Variants in RNF150 observed in about 807,000 individuals in gnomAD.
RNF150 encodes ring finger protein 150.
Under a neutral mutation model 39.3 loss-of-function variants are expected in RNF150, and 24 were observed. The ratio of observed to expected loss-of-function variants is 0.61; its 90% CI spans 0.44 to 0.86. The LOEUF (loss-of-function observed/expected upper bound fraction) is 0.86. Ranked by LOEUF, RNF150 falls within the 40% of genes least tolerant of loss-of-function variation. The pLI is 0.00. For synonymous variants in RNF150, 255 were observed against 227.3 expected (o/e 1.12, Z -1.10); for missense variants, 502 against 587.8 (o/e 0.85, Z 1.51).
intron 1 of RNF150, among the ~76,000 whole-genome samples, chr4:141,006,600 T>C (rs1734882423): frequency 6.6e-6 from 1 of 152,342 alleles, no homozygotes. Flanking sequence ...TTAGGAAATC[T>C]GAAGTTGTGG....
At chr4:140,918,594 T>C (rs1350276306) in intron 5 of RNF150, among the ~76,000 whole-genome samples, 3 of 152,014 alleles carry the variant, frequency 2.0e-5, no homozygotes, top group African/African-American at 7.3e-5. Context: ...ACAGCCGAAT[T>C]CTACCAGAGG....
At chr4:141,091,565 G>C (rs755636283) in intron 1 of RNF150, among the ~76,000 whole-genome samples, 1 of 152,166 alleles carries the variant, frequency 6.6e-6, no homozygotes, top group Non-Finnish European at 1.5e-5. Flanking sequence ...TCAAAAAACA[G>C]TAAGGTAGTT....
At position 141,181,765 on chromosome 4, in the gene RNF150, G is replaced by A. The variant is rs545585318; in HGVS notation, c.-6+31029C>T. On this transcript the variant is annotated intron_variant, in intron 1 of 7. Coordinates refer to the RNF150 transcript ENST00000420921. Reference sequence around the variant, plus strand: ...TTATCTGACACATATTTAATGATGTGCTAATTGTTGTGCTGCATGGTAATT... The same window carrying A: ...TTATCTGACACATATTTAATGATGTACTAATTGTTGTGCTGCATGGTAATT... Among the ~76,000 whole-genome samples the A allele has an allele frequency of 3.2e-4, 49 of 152,260 alleles. 1 individual carries two copies. Among genetic ancestry groups the A allele is most frequent in the African/African-American group, 1.2e-3 (48 of 41,560 alleles).
chr4:141,045,811 T>G (rs1442453530), intron 1 of RNF150, among the ~76,000 whole-genome samples: 1 of 152,178 alleles, frequency 6.6e-6, no homozygotes, highest in Non-Finnish European at 1.5e-5. Context: ...CTCAAAGTGC[T>G]GAGATTACAG....
rs781565960 is a variant in RNF150 at position 141,132,636 on chromosome 4, CCGG to C, written c.170_172del (p.Ala57del). On this transcript the variant is annotated inframe_deletion, in exon 1 of 7. Coordinates refer to ENST00000515673, the MANE Select transcript of RNF150 (RefSeq NM_020724.2). The surrounding 1 kb of genome is among the most constrained non-coding windows in gnomAD (Gnocchi z 4.9). ...CTCCGCGCCGCCGCCGCCCGCCGCC[CCGG>C]CCCCGGGGTCCGGCGCGGGCTCGGC... 730 of 1,586,544 alleles carry C rather than the reference CCGG, an allele frequency of 4.6e-4. 2 individuals are homozygous for C. The highest frequency in any genetic ancestry group is 5.7e-4 in the Non-Finnish European group (668 of 1,170,112).
At chr4:141,150,746 T>C (rs1727283126) in intron 1 of RNF150, among the ~76,000 whole-genome samples, 1 of 152,200 alleles carries the variant, frequency 6.6e-6, no homozygotes. Flanking sequence ...CTCTACCTCC[T>C]ACTAGAATGT....
upstream of RNF150, among the ~76,000 whole-genome samples, chr4:141,135,998 C>T (rs1727021496): frequency 6.6e-6 from 1 of 152,066 alleles, no homozygotes; most frequent in Non-Finnish European, 1.5e-5. Context: ...AATGGATAAA[C>T]CCAGGATGAG....
intron 1 of RNF150, among the ~76,000 whole-genome samples, chr4:141,073,471 C>T (rs115073923): frequency 0.014 from 2,161 of 152,224 alleles, 57 homozygotes; most frequent in African/African-American, 0.049. Context: ...ATAATCTCCC[C>T]GCTTCCATTT....
chr4:140,880,511 C>T (rs1729332166), intron 6 of RNF150, among the ~76,000 whole-genome samples: 3 of 148,906 alleles, frequency 2.0e-5, no homozygotes, highest in African/African-American at 7.3e-5. Context: ...ATACAGGCCT[C>T]ATAAAATAGT....
Position 140,859,913 on chromosome 4 carries a change from TTTAGCCAG to T in RNF150, c.*8340_*8347del, listed in dbSNP as rs2111156582. 6.6e-6 allele frequency: 1 copy of T among 152,288 alleles called. No homozygotes were observed. The highest frequency in any genetic ancestry group is 1.9e-4 in the East Asian group (1 of 5,172). 9.4% of individuals were successfully genotyped at this position (152,288 alleles called of 1,614,324 possible). A position where few individuals can be genotyped will look rare whatever the true frequency, so the allele number is the denominator to read the frequency against. ...ATCCTTATAGTTGCAATATTTTTTT[TTTAGCCAG>T]TACGTAAGAACACGATTGCACTTAT... On this transcript the variant is annotated 3_prime_UTR_variant, in exon 7 of 7. Coordinates refer to ENST00000515673, the MANE Select transcript of RNF150 (RefSeq NM_020724.2).
intron 1 of RNF150, among the ~76,000 whole-genome samples, chr4:141,037,765 T>A (rs1254764233): frequency 6.6e-6 from 1 of 152,166 alleles, no homozygotes; most frequent in African/African-American, 2.4e-5. Flanking sequence ...GCTAAATTCA[T>A]GTCATTTGTA....
chr4:141,124,208 A>T (rs984077463), intron 1 of RNF150, among the ~76,000 whole-genome samples: 1 of 152,248 alleles, frequency 6.6e-6, no homozygotes, highest in African/African-American at 2.4e-5. Flanking sequence ...TGTTGTCAGT[A>T]AATTATTCTT....
intron 1 of RNF150, among the ~76,000 whole-genome samples, chr4:141,118,963 G>T (rs1038625779): frequency 2.6e-5 from 4 of 152,052 alleles, no homozygotes; most frequent in Admixed American, 2.0e-4. Context: ...GTTTTGCCTT[G>T]TTGGCCAGGC....
At chr4:141,028,730 T>C (rs952729693) in intron 1 of RNF150, among the ~76,000 whole-genome samples, 1 of 152,178 alleles carries the variant, frequency 6.6e-6, no homozygotes, top group Non-Finnish European at 1.5e-5. Flanking sequence ...AGGATTATGA[T>C]AAAAATAAAG....
chr4:141,191,134 G>T (rs529488433), intron 1 of RNF150, among the ~76,000 whole-genome samples: 4 of 152,180 alleles, frequency 2.6e-5, no homozygotes, highest in Non-Finnish European at 5.9e-5. Context: ...ACTGGTGTCA[G>T]CTGTGAAGTG....
At chr4:140,935,020 TTA>T (rs1326263521) in intron 4 of RNF150, among the ~76,000 whole-genome samples, 1 of 42,572 alleles carries the variant, frequency 2.3e-5, no homozygotes, top group Admixed American at 4.1e-4. Flanking sequence ...TATATATATA[TTA>T]TATATTTATA....
intron 4 of RNF150, among the ~76,000 whole-genome samples, chr4:140,946,353 T>G (rs1198734122): frequency 6.6e-6 from 1 of 152,260 alleles, no homozygotes; most frequent in African/African-American, 2.4e-5. Context: ...TCCTCTAAAG[T>G]AATTTTTGTT....
At chr4:140,908,987 C>T (rs1730492861) in intron 6 of RNF150, among the ~76,000 whole-genome samples, 1 of 152,096 alleles carries the variant, frequency 6.6e-6, no homozygotes, top group African/African-American at 2.4e-5. Context: ...AAGCTCATGC[C>T]TTAAATGTTT....
intron 4 of RNF150, chr4:140,944,503 T>A (rs978257158): frequency 1.3e-5 from 2 of 152,162 alleles, no homozygotes; most frequent in African/African-American, 2.4e-5. Context: ...GGTGTGTATG[T>A]GCATGACTTA....
Sources: allele counts gnomAD v4.1 joint callset (sites outside exome capture counted in the v4.1 genomes callset), GRCh38; gene constraint gnomAD v4.1.1; non-coding constraint Gnocchi (gnomAD v3.1); transcripts MANE v1.5; gene names NCBI Gene and HGNC (gene_info 2026-07-23, HGNC 2026-07-21).